Variants in MALRD1 observed in about 807,000 individuals in gnomAD.
The protein encoded by MALRD1 is MAM and LDL receptor class A domain containing 1.
Under a neutral mutation model 242.1 loss-of-function variants are expected in MALRD1, and 247 were observed. The observed-to-expected ratio is 1.02, with a 90% CI of 0.92 to 1.13. The LOEUF (loss-of-function observed/expected upper bound fraction) is 1.13. Among genes scored for constraint, MALRD1 ranks in the 50% most tolerant of loss-of-function variants. The probability of loss-of-function intolerance (pLI) is 0.00; values close to 1 mark genes in which losing one functional copy is unlikely to be tolerated. For synonymous variants in MALRD1, 995 were observed against 866.6 expected (o/e 1.15, Z -2.60); for missense variants, 2,989 against 2,533.1 (o/e 1.18, Z -3.86).
chr10:19,111,051 T>C (rs961940205), intron 5 of MALRD1, among the ~76,000 whole-genome samples: 1 of 152,212 alleles, frequency 6.6e-6, no homozygotes, highest in South Asian at 2.1e-4. Flanking sequence ...TCATTTTAGA[T>C]ATAAATTTCT....
chr10:19,161,098 C>G (rs1388435348), intron 12 of MALRD1, among the ~76,000 whole-genome samples: 1 of 142,574 alleles, frequency 7.0e-6, no homozygotes. Context: ...GACTTGGAAC[C>G]AACCCAAATG....
intron 2 of MALRD1, among the ~76,000 whole-genome samples, chr10:19,081,007 G>GA (rs769937321): frequency 1.6e-4 from 25 of 152,000 alleles, no homozygotes; most frequent in African/African-American, 5.5e-4. Context: ...ACAAACATAT[G>GA]AAAAAAACCT....
At chr10:19,067,570 G>T (rs771218226) in intron 2 of MALRD1, among the ~76,000 whole-genome samples, 21 of 152,048 alleles carry the variant, frequency 1.4e-4, no homozygotes, top group Non-Finnish European at 2.5e-4. Context: ...TGCCCTGGAG[G>T]TAATTTGAAA....
At chr10:19,133,816 A>G (rs1833212768) in intron 8 of MALRD1, 40 bp from the exon 9 acceptor site, 1 of 915,574 alleles carries the variant, frequency 1.1e-6, no homozygotes, top group South Asian at 5.6e-5. Flanking sequence ...TGAAGATTAG[A>G]ATACGGGTAA....
intron 38 of MALRD1, among the ~76,000 whole-genome samples, chr10:19,715,947 C>G (rs1050260875): frequency 2.6e-5 from 4 of 152,148 alleles, no homozygotes; most frequent in African/African-American, 9.7e-5. Flanking sequence ...GCCCAAACAC[C>G]TCCCAGTAGG....
chr10:19,571,517 A>T (rs1397111729), intron 33 of MALRD1, among the ~76,000 whole-genome samples: 2 of 152,210 alleles, frequency 1.3e-5, no homozygotes, highest in Non-Finnish European at 2.9e-5. Flanking sequence ...AAAATTTAAA[A>T]TAGGTCAAAT....
chr10:19,494,572 A>G (rs1473367220), intron 30 of MALRD1, among the ~76,000 whole-genome samples: 2 of 152,164 alleles, frequency 1.3e-5, no homozygotes, highest in Non-Finnish European at 2.9e-5. Context: ...TATCCAGTAT[A>G]AAAAAATAAC....
intron 21 of MALRD1, among the ~76,000 whole-genome samples, chr10:19,291,783 T>C (rs1841440125): frequency 6.6e-6 from 1 of 151,278 alleles, no homozygotes; most frequent in African/African-American, 2.4e-5. Flanking sequence ...GGTCCTTCCA[T>C]TAAAAAAAAT....
chr10:19,626,256 C>A (rs547147411), intron 36 of MALRD1, among the ~76,000 whole-genome samples: 1 of 148,652 alleles, frequency 6.7e-6, no homozygotes, highest in South Asian at 2.1e-4. Context: ...AATATTTTTT[C>A]TGTCAAAAAA....
At chr10:19,477,234 AT>A (rs1426348285) in intron 29 of MALRD1, among the ~76,000 whole-genome samples, 1 of 152,156 alleles carries the variant, frequency 6.6e-6, no homozygotes, top group African/African-American at 2.4e-5. Context: ...TGTTATAGAA[AT>A]TTTTATACTT....
intron 13 of MALRD1, among the ~76,000 whole-genome samples, chr10:19,166,071 T>A (rs1450102738): frequency 2.0e-5 from 3 of 152,230 alleles, no homozygotes; most frequent in Non-Finnish European, 4.4e-5. Flanking sequence ...AGAGAGGTTG[T>A]TTTGACTATG....
intron 31 of MALRD1, among the ~76,000 whole-genome samples, chr10:19,516,046 G>A (rs1346617600): frequency 6.6e-6 from 1 of 152,102 alleles, no homozygotes; most frequent in East Asian, 1.9e-4. Flanking sequence ...TTTCATTGCT[G>A]ACAAATTTTT....
chr10:19,265,715 T>A (rs1218374647), intron 19 of MALRD1, among the ~76,000 whole-genome samples: 1 of 152,120 alleles, frequency 6.6e-6, no homozygotes, highest in Non-Finnish European at 1.5e-5. Flanking sequence ...AAATGTTTTG[T>A]ATATGACTGT....
chr10:19,705,690 TTCC>T (rs371941438), intron 38 of MALRD1, among the ~76,000 whole-genome samples: 167 of 151,090 alleles, frequency 1.1e-3, no homozygotes, highest in African/African-American at 3.9e-3. Context: ...GCGCCACCTA[TTCC>T]TCCTCCTCCT....
intron 22 of MALRD1, among the ~76,000 whole-genome samples, chr10:19,326,924 TTCATGGC>T (rs1352732296): frequency 6.6e-6 from 1 of 152,150 alleles, no homozygotes; most frequent in Non-Finnish European, 1.5e-5. Flanking sequence ...AGTTACTCTC[TTCATGGC>T]TCATTTTGTA....
At chr10:19,361,143 C>T (rs937216387) in intron 26 of MALRD1, among the ~76,000 whole-genome samples, 5 of 152,068 alleles carry the variant, frequency 3.3e-5, no homozygotes, top group African/African-American at 2.4e-5. Context: ...AACAGAGTAA[C>T]GACTCTATTT....
intron 18 of MALRD1, among the ~76,000 whole-genome samples, chr10:19,221,179 C>G (rs1330479154): frequency 1.3e-5 from 2 of 151,986 alleles, no homozygotes; most frequent in Admixed American, 6.6e-5. Flanking sequence ...GTCTTAAATC[C>G]TAAATGGTAC....
intron 39 of MALRD1, among the ~76,000 whole-genome samples, chr10:19,732,558 T>C (rs1835340351): frequency 6.6e-6 from 1 of 152,230 alleles, no homozygotes; most frequent in Non-Finnish European, 1.5e-5. Context: ...CCACTGTACC[T>C]GGCCAGAACA....
At chr10:19,298,321 C>T (rs577739106) in intron 21 of MALRD1, among the ~76,000 whole-genome samples, 2 of 152,102 alleles carry the variant, frequency 1.3e-5, no homozygotes, top group Admixed American at 6.6e-5. Context: ...AGATAATCAG[C>T]GCCCATGACC....
Sources: allele counts gnomAD v4.1 joint callset (sites outside exome capture counted in the v4.1 genomes callset), GRCh38; gene constraint gnomAD v4.1.1; transcripts MANE v1.5; gene names NCBI Gene and HGNC (gene_info 2026-07-23, HGNC 2026-07-21).